Variants in WFDC8 observed in about 807,000 individuals in gnomAD.
WFDC8 encodes WAP four-disulfide core domain protein 8.
In WFDC8, 24 loss-of-function variants were observed where a neutral mutation model predicts 27.0. That is an observed-to-expected ratio of 0.89 (90% CI 0.64 to 1.25). The LOEUF (loss-of-function observed/expected upper bound fraction) is 1.25, where lower values mean the gene tolerates loss of function less well. Ranked by LOEUF, WFDC8 falls within the 50% of genes most tolerant of loss-of-function variation. The pLI, the probability that WFDC8 is intolerant of heterozygous loss-of-function variation, is 0.00. For synonymous variants in WFDC8, 106 were observed against 99.7 expected, an observed-to-expected ratio of 1.06 and a Z score of -0.38; for missense variants, 287 against 295.9, an observed-to-expected ratio of 0.97 and a Z score of 0.22.
rs1981093119 is a variant in WFDC8 at position 45,577,717 on chromosome 20, T to C, written c.26+1505A>G. ...CTGGCCTATATACATGTTTAAAAAA[T>C]AAAGACAGGGCCAGCACGGTGGCTC... On this transcript the variant is annotated intron_variant, in intron 1 of 5. Coordinates refer to ENST00000289953, the MANE Select transcript of WFDC8 (RefSeq NM_130896.3). 1.4e-5 allele frequency among the ~76,000 whole-genome samples: 2 copies of C among 144,740 alleles called. 1 individual carries two copies. The highest frequency in any genetic ancestry group is 3.0e-5 in the Non-Finnish European group (2 of 65,884). 95.0% of individuals were successfully genotyped at this position (144,740 alleles called of 152,430 possible). A position where few individuals can be genotyped will look rare whatever the true frequency, so the allele number is the denominator to read the frequency against.
chr20:45,553,793 G>A (rs572978160), intron 4 of WFDC8, among the ~76,000 whole-genome samples: 13 of 152,252 alleles, frequency 8.5e-5, no homozygotes, highest in Admixed American at 3.3e-4. Context: ...TGGCAGCTGC[G>A]GAGGTGGTAA....
At chr20:45,566,578 G>A (rs6104225) in intron 1 of WFDC8, among the ~76,000 whole-genome samples, 58,242 of 151,968 alleles carry the variant, frequency 0.38, 11,627 homozygotes, top group Non-Finnish European at 0.43. Context: ...CAGGAGAATT[G>A]CTTGAACTTG....
chr20:45,578,370 C>T (rs943223135), intron 1 of WFDC8, among the ~76,000 whole-genome samples: 23 of 151,368 alleles, frequency 1.5e-4, no homozygotes, highest in Non-Finnish European at 3.0e-4. Flanking sequence ...TTGAGCTCTC[C>T]ATGGCTTGCC....
intron 1 of WFDC8, among the ~76,000 whole-genome samples, chr20:45,566,878 C>T (rs866101795): frequency 1.2e-4 from 18 of 152,066 alleles, no homozygotes; most frequent in African/African-American, 3.1e-4. Context: ...ATGCTCATGT[C>T]GCTTTTATAA....
At position 45,579,217 on chromosome 20, in the gene WFDC8, C is replaced by G. The variant is rs369655072; in HGVS notation, c.26+5G>C. On this transcript the variant is annotated splice_donor_5th_base_variant and intron_variant, in intron 1 of 5. Transcript: ENST00000289953. Reference sequence around the variant, plus strand: ...GCTACCCACCCCCATAGACACCCTCCTCACCCTCCTTCAGTTCGGACAGTC... The same window carrying G: ...GCTACCCACCCCCATAGACACCCTCGTCACCCTCCTTCAGTTCGGACAGTC... 6.2e-7 allele frequency: 1 copy of G among 1,613,846 alleles called. No homozygotes were observed. The highest frequency in any genetic ancestry group is 1.1e-5 in the South Asian group (1 of 91,076).
At chr20:45,553,341 C>T in intron 4 of WFDC8, 65 bp from the exon 5 acceptor site, 1 of 1,545,964 alleles carries the variant, frequency 6.5e-7, no homozygotes, top group East Asian at 2.3e-5. Flanking sequence ...TTCAAAGAGC[C>T]TTTCCTTCTC....
chr20:45,564,191 T>A (rs1013609830), intron 1 of WFDC8, among the ~76,000 whole-genome samples: 1 of 152,160 alleles, frequency 6.6e-6, no homozygotes, highest in Admixed American at 6.5e-5. Flanking sequence ...GTGGGGGCTC[T>A]GAAGAACTAG....
rs1415960539 is a variant in WFDC8 at position 45,562,123 on chromosome 20, G to A, written c.123C>T (p.Thr41=). 3 of 1,613,866 alleles carry A rather than the reference G, an allele frequency of 1.9e-6. No individual in the cohort carries two copies. Among genetic ancestry groups the A allele is most frequent in the Non-Finnish European group, 2.5e-6 (3 of 1,179,850 alleles). The change falls in exon 2 of 6, where the codon ACC becomes ACT. Residue 41 remains threonine, a synonymous_variant. Transcript: ENST00000289953. ...LALEWTSAML[T]KKIKHKPGLC... is the part of the protein sequence containing the mutation. ...TTTTGAACTCACGTTTGATCTTCTT[G>A]GTCAGCATTGCAGAAGTCCACTCCA...
At chr20:45,575,822 G>T (rs1299750252) in intron 1 of WFDC8, among the ~76,000 whole-genome samples, 1 of 151,140 alleles carries the variant, frequency 6.6e-6, no homozygotes, top group Non-Finnish European at 1.5e-5. Flanking sequence ...CCAGCCCCAG[G>T]CCCTGTTTCC....
At position 45,577,147 on chromosome 20, in the gene WFDC8, T is replaced by TA. The variant is rs540233973; in HGVS notation, c.26+2074dup. Among the ~76,000 whole-genome samples the TA allele has an allele frequency of 1.6e-4, 25 of 151,542 alleles. 1 individual carries two copies. In the Middle Eastern group the frequency reaches 0.011, roughly 64 times the overall value. Reference sequence around the variant, plus strand: ...CTGCTTGTTTAAGCTCTTCTACTACTATAAACAAGCTTCCTTTTTGCAGTC... The same window carrying TA: ...CTGCTTGTTTAAGCTCTTCTACTACTAATAAACAAGCTTCCTTTTTGCAGTC... On this transcript the variant is annotated intron_variant, in intron 1 of 5. Transcript: ENST00000289953.
At position 45,579,209 on chromosome 20, in the gene WFDC8, A is replaced by ACACCCTCCT; in HGVS notation, c.26+4_26+12dup. On this transcript the variant is annotated intron_variant, in intron 1 of 5. Coordinates refer to ENST00000289953, the MANE Select transcript of WFDC8 (RefSeq NM_130896.3). Reference sequence around the variant, plus strand: ...CATGTCTGGCTACCCACCCCCATAGACACCCTCCTCACCCTCCTTCAGTTC... The same window carrying ACACCCTCCT: ...CATGTCTGGCTACCCACCCCCATAGACACCCTCCTCACCCTCCTCACCCTCCTTCAGTTC... 15 of 1,613,268 alleles carry ACACCCTCCT rather than the reference A, an allele frequency of 9.3e-6. No homozygotes were observed. The highest frequency in any genetic ancestry group is 3.3e-5 in the Admixed American group (2 of 59,918).
chr20:45,575,730 A>G (rs771660100), intron 1 of WFDC8, among the ~76,000 whole-genome samples: 17 of 151,304 alleles, frequency 1.1e-4, no homozygotes, highest in Admixed American at 7.3e-4. Flanking sequence ...CCAGGTTACA[A>G]TATTTAGGAA....
At chr20:45,561,027 G>A in intron 2 of WFDC8, among the ~76,000 whole-genome samples, 1 of 152,206 alleles carries the variant, frequency 6.6e-6, no homozygotes, top group Non-Finnish European at 1.5e-5. Flanking sequence ...CAGAGACAGA[G>A]TTCGGCAAAT....
chr20:45,559,170 G>T (rs1980378177), intron 2 of WFDC8, among the ~76,000 whole-genome samples, 178 bp from the exon 3 acceptor site: 1 of 152,110 alleles, frequency 6.6e-6, no homozygotes. Context: ...CATTCAAATG[G>T]ATCTGAATCA....
intron 4 of WFDC8, among the ~76,000 whole-genome samples, chr20:45,554,722 A>T (rs1262442939): frequency 1.3e-5 from 2 of 152,160 alleles, no homozygotes; most frequent in African/African-American, 4.8e-5. Context: ...CATGAAGGGA[A>T]GCTTGTGGTC....
intron 1 of WFDC8, chr20:45,568,268 T>G: frequency 4.3e-6 from 1 of 234,890 alleles, no homozygotes; most frequent in Non-Finnish European, 8.8e-6. Context: ...ATAGTGATGT[T>G]TCATAGCCTA....
intron 3 of WFDC8, among the ~76,000 whole-genome samples, chr20:45,557,962 C>T (rs534241257): frequency 9.2e-5 from 14 of 152,288 alleles, no homozygotes; most frequent in African/African-American, 3.1e-4. Context: ...TATCAACCAA[C>T]GTCACTCTGA....
intron 4 of WFDC8, among the ~76,000 whole-genome samples, chr20:45,554,432 A>C (rs933558073): frequency 2.2e-4 from 34 of 152,028 alleles, no homozygotes; most frequent in African/African-American, 8.2e-4. Flanking sequence ...TGGAGACACA[A>C]CTTTGTGGGT....
At chr20:45,561,866 A>C (rs149855169) in intron 2 of WFDC8, among the ~76,000 whole-genome samples, 2,127 of 152,202 alleles carry the variant, frequency 0.014, 91 homozygotes, top group Admixed American at 0.098. Flanking sequence ...CATCCCTAGT[A>C]GATGCAAACT....
Sources: allele counts gnomAD v4.1 joint callset (sites outside exome capture counted in the v4.1 genomes callset), GRCh38; gene constraint gnomAD v4.1.1; transcripts MANE v1.5; gene names NCBI Gene and HGNC (gene_info 2026-07-23, HGNC 2026-07-21).